SEC14L1: variants seen among roughly 807,000 people sequenced by gnomAD.
SEC14L1 encodes the protein SEC14 like lipid binding 1.
A neutral mutation model predicts 85.3 loss-of-function variants in SEC14L1; 48 were observed. That is an observed-to-expected ratio of 0.56 (90% confidence interval 0.45 to 0.72). SEC14L1 has a LOEUF of 0.72. Ranked by LOEUF, SEC14L1 falls within the 30% of genes least tolerant of loss-of-function variation. SEC14L1 has a pLI of 0.00. For synonymous variants in SEC14L1, 391 were observed against 355.5 expected, an observed-to-expected ratio of 1.10 and a Z score of -1.12; for missense variants, 682 against 921.4, an observed-to-expected ratio of 0.74 and a Z score of 3.36.
intron 3 of SEC14L1, among the ~76,000 whole-genome samples, chr17:77,096,899 G>A (rs1184467208): frequency 2.0e-5 from 3 of 152,160 alleles, no homozygotes; most frequent in Admixed American, 6.6e-5. Flanking sequence ...ATTCATCTGC[G>A]GGGCTGGGCT....
intron 3 of SEC14L1, among the ~76,000 whole-genome samples, chr17:77,176,309 C>T (rs1219783590): frequency 6.6e-6 from 1 of 151,570 alleles, no homozygotes; most frequent in Non-Finnish European, 1.5e-5. Context: ...AAAAGTAAAC[C>T]AATTAGGAAA....
chr17:77,124,364 A>G (rs976157958), intron 3 of SEC14L1, among the ~76,000 whole-genome samples: 2 of 152,170 alleles, frequency 1.3e-5, no homozygotes, highest in African/African-American at 2.4e-5. Context: ...ATTCCGTCTC[A>G]AAACAAAAAC....
Position 77,190,891 on chromosome 17 carries a change from C to A in SEC14L1, c.152C>A (p.Ala51Asp), listed in dbSNP as rs1475467145. The A allele has an allele frequency of 6.2e-7, 1 of 1,614,078 alleles. No individual in the cohort carries two copies. The highest frequency in any genetic ancestry group is 8.5e-7 in the Non-Finnish European group (1 of 1,180,034). The change falls in exon 4 of 17, where the codon GCT becomes GAT. Residue 51 changes from alanine (A) to aspartate (D), a missense_variant. Physicochemically the swap from Ala to Asp is moderately radical, Grantham distance 126. Around this residue, in one of 3 missense-constraint regions of SEC14L1, gnomAD observed 139 missense variants for 201.3 expected, o/e 0.69. Coordinates refer to ENST00000436233, the MANE Select transcript of SEC14L1 (RefSeq NM_001143998.2). ...TVNEFKSEDG[A>D]IHVIERRCKL... ...AATGAATTCAAGAGCGAAGATGGGG[C>A]TATTCATGTCATTGAAAGGCGCTGC...
chr17:77,134,999 A>G (rs1402428370), intron 3 of SEC14L1, among the ~76,000 whole-genome samples: 1 of 151,936 alleles, frequency 6.6e-6, no homozygotes, highest in Non-Finnish European at 1.5e-5. Flanking sequence ...TCTCTCCTCA[A>G]CCCACTGCTG....
chr17:77,093,175 G>A (rs1285065911), intron 2 of SEC14L1: 11 of 152,168 alleles, frequency 7.2e-5, no homozygotes, highest in Admixed American at 7.2e-4. Flanking sequence ...ATCTCATGGA[G>A]CTCACAGTTT....
intron 3 of SEC14L1, among the ~76,000 whole-genome samples, chr17:77,107,397 G>T (rs922733088): frequency 1.1e-4 from 16 of 151,880 alleles, no homozygotes; most frequent in Non-Finnish European, 1.9e-4. Flanking sequence ...GGAACGAAAA[G>T]AAAGAGTCTC....
At chr17:77,130,561 G>A (rs1972581582) in intron 3 of SEC14L1, among the ~76,000 whole-genome samples, 1 of 152,026 alleles carries the variant, frequency 6.6e-6, no homozygotes, top group South Asian at 2.1e-4. Context: ...GGCCTCAAGT[G>A]ATTCACCTGC....
At chr17:77,125,068 A>G (rs1395918093) in intron 3 of SEC14L1, among the ~76,000 whole-genome samples, 1 of 151,332 alleles carries the variant, frequency 6.6e-6, no homozygotes, top group East Asian at 1.9e-4. Context: ...GCAGTGGCAC[A>G]ATCTTGGCTC....
intron 3 of SEC14L1, among the ~76,000 whole-genome samples, chr17:77,103,277 T>C (rs1971821038): frequency 6.6e-6 from 1 of 151,806 alleles, no homozygotes; most frequent in Non-Finnish European, 1.5e-5. Context: ...CATGCCTGGC[T>C]AATTTTTGTA....
At chr17:77,211,625 C>T in intron 14 of SEC14L1, 1 of 349,756 alleles carries the variant, frequency 2.9e-6, no homozygotes, top group Non-Finnish European at 5.4e-6. Context: ...GTCCTCTGAA[C>T]CACTCATGTA....
At chr17:77,160,939 G>A (rs1217685908) in intron 3 of SEC14L1, among the ~76,000 whole-genome samples, 1 of 152,186 alleles carries the variant, frequency 6.6e-6, no homozygotes, top group African/African-American at 2.4e-5. Flanking sequence ...TGCTTACTTT[G>A]CAGATGGGGA....
At chr17:77,144,020 A>G (rs890541925) in intron 3 of SEC14L1, among the ~76,000 whole-genome samples, 1 of 152,166 alleles carries the variant, frequency 6.6e-6, no homozygotes, top group African/African-American at 2.4e-5. Context: ...CGTGTGGAAG[A>G]GTGCTCTGCC....
At chr17:77,199,411 C>G (rs1005780270) in intron 8 of SEC14L1, 13 of 159,330 alleles carry the variant, frequency 8.2e-5, no homozygotes, top group Non-Finnish European at 8.4e-5. Flanking sequence ...GAGAATCCAG[C>G]AGCCTGACCT....
chr17:77,101,336 C>T (rs1029321071), intron 3 of SEC14L1, among the ~76,000 whole-genome samples: 43 of 152,000 alleles, frequency 2.8e-4, no homozygotes, highest in African/African-American at 9.7e-4. Flanking sequence ...GCACACCACG[C>T]CAGGCTAATT....
At chr17:77,193,627 T>G in intron 6 of SEC14L1, 78 bp downstream of exon 6, 1 of 1,456,478 alleles carries the variant, frequency 6.9e-7, no homozygotes, top group Non-Finnish European at 9.4e-7. Flanking sequence ...AGGCTGGGGA[T>G]GGCTTAGCAA....
rs1211995396 is a variant in SEC14L1, at chr17:77,212,218, G to C, written c.1863+17G>C. On this transcript the variant is annotated intron_variant, in intron 15 of 16. Coordinates refer to ENST00000436233, the MANE Select transcript of SEC14L1 (RefSeq NM_001143998.2). ...AGCGTGCAGGTAAAATCACACACAG[G>C]TCAAATCGCGCATCCGTGACTCCAC... 1.9e-6 allele frequency: 3 copies of C among 1,611,138 alleles called. No individual in the cohort carries two copies. Among genetic ancestry groups the C allele is most frequent in the Non-Finnish European group, 2.5e-6 (3 of 1,178,440 alleles).
chr17:77,179,354 C>T (rs916057136), intron 3 of SEC14L1, among the ~76,000 whole-genome samples: 3 of 152,164 alleles, frequency 2.0e-5, no homozygotes, highest in Admixed American at 6.5e-5. Flanking sequence ...TGGTGCGTGG[C>T]ATGTGAGCAA....
In SEC14L1 at chr17:77,134,258, T is replaced by TG. The variant is rs1175447543; in HGVS notation, c.-135-8388_-135-8387insG. 2.0e-5 allele frequency among the ~76,000 whole-genome samples: 3 copies of TG among 151,830 alleles called. No homozygotes were observed. The East Asian group carries it at 5.8e-4, about 29-fold the overall frequency. On this transcript the variant is annotated intron_variant, in intron 3 of 19. Transcript: ENST00000392476. ...ACATGCAACACACACACACTTTTTT[T>TG]TTTTTTTTGGAGACATGGTCTCTCT...
intron 3 of SEC14L1, among the ~76,000 whole-genome samples, chr17:77,188,323 G>A (rs559843613): frequency 1.3e-5 from 2 of 151,542 alleles, no homozygotes; most frequent in South Asian, 2.1e-4. Context: ...CCTTAGCCCC[G>A]GCAACCACTC....
Sources: allele counts gnomAD v4.1 joint callset (sites outside exome capture counted in the v4.1 genomes callset), GRCh38; gene constraint gnomAD v4.1.1; regional missense constraint gnomAD v4.1.1; transcripts MANE v1.5; gene names NCBI Gene and HGNC (gene_info 2026-07-23, HGNC 2026-07-21).